Variants in SOBP observed in about 807,000 individuals in gnomAD.
SOBP encodes sine oculis binding protein homolog.
SOBP carries 4 observed loss-of-function variants against 53.6 expected under a neutral mutation model. The ratio of observed to expected loss-of-function variants is 0.07; its 90% CI spans 0.04 to 0.17. The LOEUF is 0.17. Ranked by LOEUF, SOBP falls within the 10% of genes least tolerant of loss-of-function variation. The pLI is 1.00. For synonymous variants in SOBP, 584 were observed against 522.6 expected, an observed-to-expected ratio of 1.12 and a Z score of -1.60; for missense variants, 1,088 against 1,204.7, an observed-to-expected ratio of 0.90 and a Z score of 1.43.
At chr6:107,602,468 C>T (rs1051715504) in intron 5 of SOBP, among the ~76,000 whole-genome samples, 4 of 148,820 alleles carry the variant, frequency 2.7e-5, no homozygotes, top group Non-Finnish European at 4.4e-5. Context: ...TTTGAAATCA[C>T]ATTCAGGCAA....
intron 4 of SOBP, among the ~76,000 whole-genome samples, chr6:107,547,005 A>T (rs1297683693): frequency 2.0e-5 from 3 of 152,170 alleles, no homozygotes; most frequent in African/African-American, 7.2e-5. Context: ...AGGGGTTTAT[A>T]TTAGGAGTAG....
rs183128652 is a variant in SOBP, at chr6:107,645,909, T to G, written c.*3+10440T>G. 1.6e-4 allele frequency among the ~76,000 whole-genome samples: 24 copies of G among 152,278 alleles called. No individual in the cohort carries two copies. In the East Asian group the frequency reaches 4.1e-3, roughly 26 times the overall value. ...ATTAGGGATGACCTTCCGGTTCACT[T>G]GGCTGGAACAAAGGGCTTGACCACA... On this transcript the variant is annotated intron_variant, in intron 6 of 6. Transcript: ENST00000317357.
In SOBP at chr6:107,641,863, C is replaced by T. The variant is rs80012735; in HGVS notation, c.*3+6394C>T. Among the ~76,000 whole-genome samples, 982 of 152,346 alleles carry T rather than the reference C, an allele frequency of 6.4e-3. 8 individuals are homozygous for T. Among genetic ancestry groups the T allele is most frequent in the South Asian group, 0.02 (97 of 4,830 alleles). The stretch of plus-strand genomic sequence containing the variant: ...TGTGGAACACTTACCCTCACCCGAA[C>T]GCCCCGCCTTTTCCAGACTTTCCTG... On this transcript the variant is annotated intron_variant, in intron 6 of 6. Coordinates refer to ENST00000317357, the MANE Select transcript of SOBP (RefSeq NM_018013.4).
chr6:107,490,554 G>C lies in SOBP; in HGVS notation c.-63G>C. Reference sequence around the variant, plus strand: ...CACCACCTCCACCGCCGCCGCCGCCGCCACCACCACCGCCGGCGGCGGCAG... The same window carrying C: ...CACCACCTCCACCGCCGCCGCCGCCCCCACCACCACCGCCGGCGGCGGCAG... On this transcript the variant is annotated 5_prime_UTR_variant, in exon 1 of 7. Coordinates refer to ENST00000317357, the MANE Select transcript of SOBP (RefSeq NM_018013.4). 1 of 1,253,232 alleles carries C rather than the reference G, an allele frequency of 8.0e-7. No individual in the cohort carries two copies. The highest frequency in any genetic ancestry group is 1.1e-6 in the Non-Finnish European group (1 of 881,154). The allele number at this position is 1,253,232 out of a possible 1,614,324, so 77.6% of individuals were successfully genotyped here.
chr6:107,498,155 C>T (rs1583140885), intron 1 of SOBP, among the ~76,000 whole-genome samples: 1 of 152,056 alleles, frequency 6.6e-6, no homozygotes, highest in African/African-American at 2.4e-5. Flanking sequence ...AGGTTCCTAC[C>T]CTCAAGTAAC....
At chr6:107,503,317 C>G (rs1782892089) in intron 1 of SOBP, among the ~76,000 whole-genome samples, 1 of 152,072 alleles carries the variant, frequency 6.6e-6, no homozygotes, top group South Asian at 2.1e-4. Context: ...TGTGATTCAC[C>G]TTTCAATATT....
intron 5 of SOBP, among the ~76,000 whole-genome samples, chr6:107,614,604 T>C (rs547330578): frequency 6.6e-6 from 1 of 152,330 alleles, no homozygotes; most frequent in South Asian, 2.1e-4. Context: ...TGAACACTTT[T>C]ATAAAGTAGT....
chr6:107,511,028 A>T (rs528495716), intron 3 of SOBP, among the ~76,000 whole-genome samples: 3 of 152,314 alleles, frequency 2.0e-5, no homozygotes, highest in East Asian at 3.9e-4. Context: ...ATTCACATTG[A>T]TTATTTTATT....
At chr6:107,538,151 A>G (rs903821223) in intron 4 of SOBP, among the ~76,000 whole-genome samples, 4 of 152,198 alleles carry the variant, frequency 2.6e-5, no homozygotes, top group African/African-American at 7.2e-5. Flanking sequence ...AGCATGTATC[A>G]TCATGTTATT....
chr6:107,615,565 TTCTG>T (rs1249754129), intron 5 of SOBP, among the ~76,000 whole-genome samples: 4 of 152,186 alleles, frequency 2.6e-5, no homozygotes, highest in Non-Finnish European at 5.9e-5. Flanking sequence ...TCTGAATTAC[TTCTG>T]TCTACCTATA....
intron 5 of SOBP, among the ~76,000 whole-genome samples, chr6:107,609,577 TAAC>T (rs1276653441): frequency 6.6e-6 from 1 of 152,212 alleles, no homozygotes; most frequent in Non-Finnish European, 1.5e-5. Context: ...AATTTGTACT[TAAC>T]AAGTCAGTAA....
chr6:107,538,202 T>C (rs1298403276), intron 4 of SOBP, among the ~76,000 whole-genome samples: 1 of 152,258 alleles, frequency 6.6e-6, no homozygotes, highest in Admixed American at 6.5e-5. Context: ...TTTGTCTTTT[T>C]ATTAAAGTTG....
At chr6:107,531,030 C>T (rs1783808806) in intron 3 of SOBP, among the ~76,000 whole-genome samples, 1 of 152,258 alleles carries the variant, frequency 6.6e-6, no homozygotes, top group African/African-American at 2.4e-5. Context: ...TGGCCTCAAG[C>T]ATCATTCCTT....
intron 4 of SOBP, chr6:107,557,725 G>A (rs559681043): frequency 1.6e-4 from 24 of 152,302 alleles, no homozygotes; most frequent in African/African-American, 5.1e-4. Context: ...GGGATTTCCT[G>A]TCACCATCAT....
intron 1 of SOBP, among the ~76,000 whole-genome samples, chr6:107,495,539 A>T (rs1204755027): frequency 1.3e-5 from 2 of 152,152 alleles, no homozygotes; most frequent in Non-Finnish European, 2.9e-5. Context: ...ACTAGAAGAA[A>T]ATGAGTCTGA....
rs1461602544 is a variant in SOBP at position 107,658,856 on chromosome 6, A to G, written c.*653A>G. The G allele has an allele frequency of 6.6e-6, 1 of 152,618 alleles. No individual in the cohort carries two copies. The highest frequency in any genetic ancestry group is 2.4e-5 in the African/African-American group (1 of 41,450). 9.5% of individuals were successfully genotyped at this position (152,618 alleles called of 1,614,324 possible). A position where few individuals can be genotyped will look rare whatever the true frequency, so the allele number is the denominator to read the frequency against. ...GGCCACCTTTATCCTTTTTGATGCC[A>G]TATTTTCAGTGTTACACTTTTATGG... On this transcript the variant is annotated 3_prime_UTR_variant, in exon 7 of 7. Coordinates refer to ENST00000317357, the MANE Select transcript of SOBP (RefSeq NM_018013.4).
intron 4 of SOBP, among the ~76,000 whole-genome samples, chr6:107,567,368 C>G (rs1784948522): frequency 6.6e-6 from 1 of 152,216 alleles, no homozygotes; most frequent in Admixed American, 6.5e-5. Flanking sequence ...TCTGACCACT[C>G]TAGCCTATGA....
At chr6:107,526,280 A>G (rs771811848) in intron 3 of SOBP, among the ~76,000 whole-genome samples, 1 of 152,028 alleles carries the variant, frequency 6.6e-6, no homozygotes, top group Non-Finnish European at 1.5e-5. Flanking sequence ...AACATTTGGG[A>G]GCTTCTTATT....
At chr6:107,492,574 CCTT>C (rs1259178860) in intron 1 of SOBP, among the ~76,000 whole-genome samples, 4 of 152,088 alleles carry the variant, frequency 2.6e-5, no homozygotes, top group African/African-American at 9.7e-5. Flanking sequence ...AGATAGTTGT[CCTT>C]CTGCAGTATA....
Sources: gnomAD v4.1 joint callset for allele counts (sites outside exome capture counted in the v4.1 genomes callset) on GRCh38, gnomAD v4.1.1 for gene constraint, MANE v1.5 for transcripts, NCBI Gene and HGNC (gene_info 2026-07-23, HGNC 2026-07-21) for gene names.